Variants in TULP4 observed in about 807,000 individuals in gnomAD.
The protein encoded by TULP4 is TUB like protein 4.
TULP4 carries 16 observed loss-of-function variants against 129.0 expected under a neutral mutation model. That is an observed-to-expected ratio of 0.12 (90% CI 0.08 to 0.19). The LOEUF (loss-of-function observed/expected upper bound fraction) is 0.19, where lower values mean the gene tolerates loss of function less well. Among genes scored for constraint, TULP4 ranks in the 10% least tolerant of loss-of-function variants. The pLI is 1.00. For synonymous variants in TULP4, 998 were observed against 854.0 expected, an observed-to-expected ratio of 1.17 and a Z score of -2.94; for missense variants, 1,842 against 2,059.1, an observed-to-expected ratio of 0.89 and a Z score of 2.04.
intron 1 of TULP4, among the ~76,000 whole-genome samples, chr6:158,288,789 C>T (rs534528505): frequency 1.4e-4 from 21 of 152,320 alleles, no homozygotes; most frequent in African/African-American, 3.4e-4. Flanking sequence ...CGTGAGCCAC[C>T]GCGCCCAGCC....
rs1554272521 is a variant in TULP4 at position 158,236,799 on chromosome 6, T to TC, written n.68+4496_68+4497insC. Among the ~76,000 whole-genome samples the TC allele has an allele frequency of 5.6e-3, 143 of 25,658 alleles. 2 individuals are homozygous for TC. Among genetic ancestry groups the TC allele is most frequent in the South Asian group, 7.1e-3 (4 of 562 alleles). 16.8% of individuals were successfully genotyped at this position (25,658 alleles called of 152,430 possible). On this transcript the variant is annotated intron_variant and non_coding_transcript_variant, in intron 1 of 1. Transcript: ENST00000620026. ...GGGTAAATGCCCAATTCTTTTCTTT[T>TC]TTTTTTTTTTTTTTTTTTTTTTTTT...
chr6:158,449,279 A>G, intron 4 of TULP4, 103 bp downstream of exon 4: 2 of 1,228,200 alleles, frequency 1.6e-6, no homozygotes, highest in Non-Finnish European at 2.2e-6. Flanking sequence ...GGGCCGCCAC[A>G]CCTACGGCAC....
intron 2 of TULP4, 140 bp from the exon 3 acceptor site, chr6:158,429,596 A>G: frequency 1.1e-6 from 1 of 950,212 alleles, no homozygotes; most frequent in Non-Finnish European, 1.5e-6. Context: ...ACGTTTTTAT[A>G]GCTTTCAAAT....
intron 3 of TULP4, among the ~76,000 whole-genome samples, chr6:158,444,106 G>T (rs535740685): frequency 6.6e-6 from 1 of 151,528 alleles, no homozygotes; most frequent in African/African-American, 2.4e-5. Context: ...TGTAGTCCCA[G>T]CTACTCGGGA....
In TULP4 at chr6:158,301,697, C is replaced by T. The variant is rs139605814; in HGVS notation, n.117-10354C>T. Among the ~76,000 whole-genome samples the T allele has an allele frequency of 1.8e-3, 274 of 152,220 alleles. 4 individuals are homozygous for T. The East Asian group carries it at 0.022, about 12-fold the overall frequency. On this transcript the variant is annotated intron_variant and non_coding_transcript_variant, in intron 1 of 1. Transcript: ENST00000432358. ...TAGGGGAGTGCAATGAAGCGAAAAC[C>T]AGAAGCTGAAAAGGCTGAGACGGCT...
At chr6:158,369,882 T>C (rs1777034841) in intron 1 of TULP4, among the ~76,000 whole-genome samples, 1 of 152,108 alleles carries the variant, frequency 6.6e-6, no homozygotes, top group South Asian at 2.1e-4. Flanking sequence ...GTACATGAGA[T>C]GCACATTCAA....
chr6:158,321,930 A>G (rs1332787833), intron 1 of TULP4, among the ~76,000 whole-genome samples: 1 of 152,178 alleles, frequency 6.6e-6, no homozygotes, highest in African/African-American at 2.4e-5. Context: ...TCTAGATTGT[A>G]AGAATGGTCT....
At position 158,413,218 on chromosome 6, in the gene TULP4, A is replaced by T. The variant is rs1778135628; in HGVS notation, c.381+25A>T. On this transcript the variant is annotated intron_variant, in intron 2 of 13. Coordinates refer to ENST00000367097, the MANE Select transcript of TULP4 (RefSeq NM_020245.5). This position sits in a 1 kb window ranked among gnomAD's most constrained non-coding sequence, Gnocchi z 4.9. ...GGTGAGTGGCAGGCGCAGCTCTGCC[A>T]GTGAAGGGCTGCGGGGTAGAGGACT... 6.2e-7 allele frequency: 1 copy of T among 1,601,010 alleles called. No homozygotes were observed. The highest frequency in any genetic ancestry group is 8.5e-7 in the Non-Finnish European group (1 of 1,170,778).
intron 1 of TULP4, among the ~76,000 whole-genome samples, chr6:158,398,760 T>C (rs1283800373): frequency 6.6e-6 from 1 of 152,242 alleles, no homozygotes; most frequent in East Asian, 1.9e-4. Flanking sequence ...AATAAAACTG[T>C]TTTCCATTAA....
chr6:158,490,494 A>G (rs1780175290), intron 9 of TULP4, among the ~76,000 whole-genome samples: 1 of 152,224 alleles, frequency 6.6e-6, no homozygotes, highest in South Asian at 2.1e-4. Flanking sequence ...TAAGATTTCT[A>G]GTTTTAATTC....
intron 1 of TULP4, among the ~76,000 whole-genome samples, chr6:158,337,131 T>C (rs1780063053): frequency 8.1e-6 from 1 of 122,914 alleles, no homozygotes; most frequent in Non-Finnish European, 1.8e-5. Context: ...TCTTTCTCTT[T>C]TTTTTTTTTT....
chr6:158,354,410 C>G (rs574126290), intron 1 of TULP4, among the ~76,000 whole-genome samples: 24 of 152,270 alleles, frequency 1.6e-4, no homozygotes, highest in Middle Eastern at 6.8e-3. Context: ...CACAGGCTGG[C>G]ATTTTCCATT....
At chr6:158,463,373 G>A (rs1779485435) in intron 6 of TULP4, among the ~76,000 whole-genome samples, 1 of 152,020 alleles carries the variant, frequency 6.6e-6, no homozygotes, top group Admixed American at 6.6e-5. Context: ...GTCAGTTATA[G>A]TGGAGGATGA....
chr6:158,232,602 T>G (rs1336698152), intron 1 of TULP4, among the ~76,000 whole-genome samples: 3 of 151,738 alleles, frequency 2.0e-5, no homozygotes, highest in Non-Finnish European at 4.4e-5. Flanking sequence ...GGGGCGGGCG[T>G]GCGTGTGGGG....
At chr6:158,419,498 A>T (rs1414493110) in intron 2 of TULP4, among the ~76,000 whole-genome samples, 2 of 152,248 alleles carry the variant, frequency 1.3e-5, no homozygotes, top group Non-Finnish European at 2.9e-5. Flanking sequence ...TAATTAGAAT[A>T]AATGTAAATG....
chr6:158,388,333 T>C (rs1718232731), intron 1 of TULP4, among the ~76,000 whole-genome samples: 1 of 132,296 alleles, frequency 7.6e-6, no homozygotes, highest in Non-Finnish European at 1.6e-5. Context: ...TTTTTTTTTT[T>C]TTTTTTTTTT....
intron 1 of TULP4, among the ~76,000 whole-genome samples, chr6:158,239,061 C>A (rs1777789567): frequency 4.6e-5 from 4 of 86,450 alleles, no homozygotes; most frequent in Non-Finnish European, 5.7e-5. Flanking sequence ...GGGGGGCTGA[C>A]CCCCCCACCT....
At chr6:158,265,447 C>T (rs754647766) in intron 1 of TULP4, among the ~76,000 whole-genome samples, 17 of 151,888 alleles carry the variant, frequency 1.1e-4, no homozygotes, top group African/African-American at 1.9e-4. Flanking sequence ...GTTGGGAGGC[C>T]GAGGTGGGCA....
chr6:158,488,064 A>C (rs1780112839), intron 8 of TULP4, among the ~76,000 whole-genome samples: 1 of 152,162 alleles, frequency 6.6e-6, no homozygotes. Flanking sequence ...CCGGGGGTTT[A>C]AGACAAGCCT....
Sources: allele counts gnomAD v4.1 joint callset (sites outside exome capture counted in the v4.1 genomes callset), GRCh38; gene constraint gnomAD v4.1.1; non-coding constraint Gnocchi (gnomAD v3.1); transcripts MANE v1.5; gene names NCBI Gene and HGNC (gene_info 2026-07-23, HGNC 2026-07-21).